SLC22A5: variants seen among roughly 807,000 people sequenced by gnomAD.
SLC22A5 encodes organic cation/carnitine transporter 2.
In SLC22A5, 44 loss-of-function variants were observed where a neutral mutation model predicts 56.7. That is an observed-to-expected ratio of 0.78 (90% CI 0.61 to 1.00). SLC22A5 has a LOEUF of 1.00. SLC22A5 is among the 50% of genes least tolerant of loss of function. The probability of loss-of-function intolerance (pLI) is 0.00; values close to 1 mark genes in which losing one functional copy is unlikely to be tolerated. For synonymous variants in SLC22A5, 278 were observed against 292.1 expected (o/e 0.95, Z 0.49); for missense variants, 675 against 723.0 (o/e 0.93, Z 0.76).
chr5:132,393,909 A>C, intron 9 of SLC22A5, 98 bp downstream of exon 9: 1 of 1,381,306 alleles, frequency 7.2e-7, no homozygotes, highest in Non-Finnish European at 1.0e-6. Flanking sequence ...ACTCCCTCTC[A>C]CAGACACCAT....
chr5:132,379,396 C>T (rs557039670), intron 2 of SLC22A5: 1 of 152,268 alleles, frequency 6.6e-6, no homozygotes, highest in Non-Finnish European at 1.5e-5. Context: ...GTTTTTAATT[C>T]CTGGCCTCAA....
At chr5:132,394,163 A>G (rs371959171) in intron 9 of SLC22A5, 22 bp from the exon 10 acceptor site, 155 of 1,493,272 alleles carry the variant, frequency 1.0e-4, no homozygotes, top group Non-Finnish European at 1.4e-4. Context: ...TGTTACTGAC[A>G]TATTTTTGCT....
chr5:132,379,741 C>T (rs1752285579), intron 2 of SLC22A5: 3 of 152,240 alleles, frequency 2.0e-5, no homozygotes, highest in African/African-American at 7.2e-5. Context: ...ACCTCGGCCT[C>T]CCAAAGTGCT....
intron 1 of SLC22A5, 137 bp downstream of exon 1, chr5:132,370,502 G>A (rs1386726371): frequency 1.9e-6 from 2 of 1,033,500 alleles, no homozygotes; most frequent in Middle Eastern, 2.7e-4. Context: ...CCCTAGCGAT[G>A]GAGACCCTCC....
chr5:132,393,846 G>T, intron 9 of SLC22A5, 35 bp downstream of exon 9: 1 of 1,613,258 alleles, frequency 6.2e-7, no homozygotes, highest in South Asian at 1.1e-5. Flanking sequence ...TTGATGCACT[G>T]GGTCTGGGTC....
chr5:132,389,005 A>G lies in SLC22A5; in HGVS notation c.1036A>G (p.Met346Val), dbSNP rs745453534. The stretch of plus-strand genomic sequence containing the variant: ...CTGGAATATCCGGATGGTCACCATC[A>G]TGTCCATAATGCTGTGGTATGTAAA... ...RTWNIRMVTI[M>V]SIMLWMTISV... The change falls in exon 6 of 10, where the codon ATG becomes GTG. Residue 346 changes from methionine (M) to valine (V), a missense_variant. Physicochemically the swap from Met to Val is conservative, Grantham distance 21. Coordinates refer to ENST00000245407, the MANE Select transcript of SLC22A5 (RefSeq NM_003060.4). 1 of 1,611,600 alleles carries G rather than the reference A, an allele frequency of 6.2e-7. No homozygotes were observed.
chr5:132,370,176 A>G lies in SLC22A5; in HGVS notation c.204A>G (p.Pro68=), dbSNP rs1428250679. Residue 68 remains proline (P), a synonymous_variant, in exon 1 of 10, where the codon CCA becomes CCG. Coordinates refer to ENST00000245407, the MANE Select transcript of SLC22A5 (RefSeq NM_003060.4). The part of the protein sequence containing the change: ...LSSAWRNHTV[P]LRLRDGREVP... The stretch of plus-strand genomic sequence containing the variant: ...GCGCCTGGCGCAACCACACTGTCCC[A>G]CTGCGGCTGCGGGACGGCCGCGAGG... The G allele has an allele frequency of 1.9e-6, 3 of 1,602,696 alleles. No individual in the cohort carries two copies. Among genetic ancestry groups the G allele is most frequent in the African/African-American group, 1.3e-5 (1 of 74,680 alleles).
chr5:132,391,953 C>T lies in SLC22A5; in HGVS notation c.1268-480C>T, dbSNP rs183736618. On this transcript the variant is annotated intron_variant, in intron 7 of 9. Coordinates refer to ENST00000245407, the MANE Select transcript of SLC22A5 (RefSeq NM_003060.4). ...ACCTTCAGGTCACACATAGCTCTCC[C>T]ATCAGCACAGCACAGAGAGATTAGA... is the stretch of plus-strand genomic sequence containing the variant. Among the ~76,000 whole-genome samples, 3 of 152,348 alleles carry T rather than the reference C, an allele frequency of 2.0e-5. No homozygotes were observed. In the East Asian group the frequency reaches 5.8e-4, roughly 29 times the overall value.
At chr5:132,393,858 G>A (rs374537897) in intron 9 of SLC22A5, 47 bp downstream of exon 9, 23 of 1,611,688 alleles carry the variant, frequency 1.4e-5, no homozygotes, top group Non-Finnish European at 1.8e-5. Context: ...GTCTGGGTCT[G>A]GCCAGGTCTC....
chr5:132,389,401 T>C, intron 6 of SLC22A5: 1 of 335,606 alleles, frequency 3.0e-6, no homozygotes, highest in Non-Finnish European at 5.8e-6. Flanking sequence ...CCATGTCCTG[T>C]AGGCTGCAGA....
Position 132,370,189 on chromosome 5 carries a change from G to T in SLC22A5, c.217G>T (p.Asp73Tyr), listed in dbSNP as rs778137386. The change falls in exon 1 of 10, where the codon GAC becomes TAC. Residue 73 changes from aspartate (D) to tyrosine (Y), a missense_variant. By Grantham distance (160) the Asp-to-Tyr change is radical. Coordinates refer to ENST00000245407, the MANE Select transcript of SLC22A5 (RefSeq NM_003060.4). Reference sequence around the variant, plus strand: ...CCACACTGTCCCACTGCGGCTGCGGGACGGCCGCGAGGTGCCCCACAGCTG... The same window carrying T: ...CCACACTGTCCCACTGCGGCTGCGGTACGGCCGCGAGGTGCCCCACAGCTG... The part of the protein sequence containing the change: ...RNHTVPLRLR[D>Y]GREVPHSCRR... The T allele has an allele frequency of 6.3e-7, 1 of 1,595,250 alleles. No individual in the cohort carries two copies. The highest frequency in any genetic ancestry group is 8.5e-7 in the Non-Finnish European group (1 of 1,171,242).
At chr5:132,392,345 T>A (rs1242787058) in intron 7 of SLC22A5, 88 bp from the exon 8 acceptor site, 1 of 1,260,314 alleles carries the variant, frequency 7.9e-7, no homozygotes, top group East Asian at 2.3e-5. Flanking sequence ...CCCAAAAAAT[T>A]TGGGAAGAAA....
In SLC22A5 at chr5:132,394,418, C is replaced by T. The variant is rs1752811726; in HGVS notation, c.*146C>T. ...TGTCTGACTTGCTCCTGGATGGGCA[C>T]CCACACTCAGAGGCTACATATGGCC... is the stretch of plus-strand genomic sequence containing the variant. On this transcript the variant is annotated 3_prime_UTR_variant, in exon 10 of 10. Transcript: ENST00000245407. The T allele has an allele frequency of 1.4e-6, 1 of 734,130 alleles. No homozygotes were observed. Among genetic ancestry groups the T allele is most frequent in the African/African-American group, 1.7e-5 (1 of 57,480 alleles). The allele number at this position is 734,130 out of a possible 1,614,324, so 45.5% of individuals were successfully genotyped here. A position where few individuals can be genotyped will look rare whatever the true frequency, so the allele number is the denominator to read the frequency against.
At position 132,370,208 on chromosome 5, in the gene SLC22A5, A is replaced by G; in HGVS notation, c.236A>G (p.His79Arg). 6.3e-7 allele frequency: 1 copy of G among 1,589,642 alleles called. No individual in the cohort carries two copies. Among genetic ancestry groups the G allele is most frequent in the East Asian group, 2.3e-5 (1 of 43,430 alleles). The change falls in exon 1 of 10, where the codon CAC becomes CGC. Residue 79 changes from histidine (H) to arginine (R), a missense_variant. Coordinates refer to ENST00000245407, the MANE Select transcript of SLC22A5 (RefSeq NM_003060.4). ...LRLRDGREVP[H>R]SCRRYRLATI... ...CTGCGGGACGGCCGCGAGGTGCCCC[A>G]CAGCTGCCGCCGCTACCGGCTCGCC...
At position 132,390,880 on chromosome 5, in the gene SLC22A5, C is replaced by G. The variant is rs1752674794; in HGVS notation, c.1243C>G (p.Leu415Val). 1 of 1,614,078 alleles carries G rather than the reference C, an allele frequency of 6.2e-7. No individual in the cohort carries two copies. The highest frequency in any genetic ancestry group is 8.5e-7 in the Non-Finnish European group (1 of 1,180,028). The change falls in exon 7 of 10, where the codon CTC (leucine) becomes GTC (valine). Residue 415 changes from leucine to valine, a missense_variant. Leu to Val is a conservative substitution (Grantham distance 32, BLOSUM62 1). Coordinates refer to ENST00000245407, the MANE Select transcript of SLC22A5 (RefSeq NM_003060.4). ...CCTCTTCCTGGGTGGCAGTGTCCTT[C>G]TCTTCATGCAGCTGGTACCCCCAGG... ...TALFLGGSVL[L>V]FMQLVPPDLY...
chr5:132,378,686 C>T, intron 2 of SLC22A5: 1 of 593,946 alleles, frequency 1.7e-6, no homozygotes, highest in Non-Finnish European at 3.0e-6. Flanking sequence ...AGTAAAGAAA[C>T]CTGAGCTGTC....
At chr5:132,379,807 A>G (rs1752288484) in intron 2 of SLC22A5, 1 of 152,184 alleles carries the variant, frequency 6.6e-6, no homozygotes, top group Non-Finnish European at 1.5e-5. Flanking sequence ...TTTAAAAAGC[A>G]GGTTAACCTG....
rs896634334 is a variant in SLC22A5, at chr5:132,390,712, T to TTTGGGC, written c.1078_1083dup (p.Gly360_Leu361dup). ...CAGGATGACCATATCAGTGGGCTAT[T>TTTGGGC]TTGGGCTTTCGCTTGATACTCCTAA... On this transcript the variant is annotated inframe_insertion, in exon 7 of 10. Coordinates refer to ENST00000245407, the MANE Select transcript of SLC22A5 (RefSeq NM_003060.4). 6.8e-6 allele frequency: 11 copies of TTTGGGC among 1,614,032 alleles called. No homozygotes were observed. The highest frequency in any genetic ancestry group is 1.7e-5 in the Admixed American group (1 of 60,008).
At position 132,378,376 on chromosome 5, in the gene SLC22A5, A is replaced by C. The variant is rs377724489; in HGVS notation, c.394-2A>C. 1.2e-6 allele frequency: 2 copies of C among 1,613,926 alleles called. No individual in the cohort carries two copies. The highest frequency in any genetic ancestry group is 2.7e-5 in the African/African-American group (2 of 74,936). Reference sequence around the variant, plus strand: ...GATACACCCCCTTTGCTCATCTTGCAGTGGAACCTGGTGTGTGAGGACGAC... The same window carrying C: ...GATACACCCCCTTTGCTCATCTTGCCGTGGAACCTGGTGTGTGAGGACGAC... On this transcript the variant is annotated splice_acceptor_variant, in intron 1 of 9. Transcript: ENST00000245407. LOFTEE classifies it high-confidence loss of function.
Sources: gnomAD v4.1 joint callset for allele counts (sites outside exome capture counted in the v4.1 genomes callset) on GRCh38, gnomAD v4.1.1 for gene constraint, MANE v1.5 for transcripts, NCBI Gene and HGNC (gene_info 2026-07-23, HGNC 2026-07-21) for gene names.